SLC8A1: variants seen among roughly 807,000 people sequenced by gnomAD.
SLC8A1 encodes solute carrier family 8 member A1.
A neutral mutation model predicts 68.3 loss-of-function variants in SLC8A1; 18 were observed. The observed-to-expected ratio is 0.26, with a 90% CI of 0.18 to 0.39. The LOEUF is 0.39. Ranked by LOEUF, SLC8A1 falls within the 10% of genes least tolerant of loss-of-function variation. The probability of loss-of-function intolerance (pLI) is 1.00; values close to 1 mark genes in which losing one functional copy is unlikely to be tolerated. For synonymous variants in SLC8A1, 475 were observed against 415.5 expected, an observed-to-expected ratio of 1.14 and a Z score of -1.74; for missense variants, 985 against 1,156.7, an observed-to-expected ratio of 0.85 and a Z score of 2.15.
chr2:40,269,048 C>T (rs559017805), intron 2 of SLC8A1, among the ~76,000 whole-genome samples: 12 of 152,156 alleles, frequency 7.9e-5, no homozygotes, highest in East Asian at 1.9e-4. Context: ...ATGAAAACCA[C>T]GAAGATGATG....
intron 2 of SLC8A1, among the ~76,000 whole-genome samples, chr2:40,427,179 C>G (rs1441062160): frequency 1.3e-5 from 2 of 152,042 alleles, no homozygotes; most frequent in Non-Finnish European, 1.5e-5. Context: ...CTCGACACTA[C>G]TTATCACTAT....
At chr2:40,249,802 T>C (rs2062456826) in intron 2 of SLC8A1, among the ~76,000 whole-genome samples, 1 of 152,220 alleles carries the variant, frequency 6.6e-6, no homozygotes, top group Non-Finnish European at 1.5e-5. Flanking sequence ...GTCTCTACTC[T>C]GTATTATCTG....
chr2:40,131,279 C>T (rs1209302649), intron 7 of SLC8A1, among the ~76,000 whole-genome samples: 2 of 152,244 alleles, frequency 1.3e-5, no homozygotes, highest in South Asian at 2.1e-4. Context: ...CTTTTATAAC[C>T]CCTCAGCACG....
At chr2:40,304,773 T>C (rs1282498145) in intron 2 of SLC8A1, among the ~76,000 whole-genome samples, 1 of 152,164 alleles carries the variant, frequency 6.6e-6, no homozygotes, top group Non-Finnish European at 1.5e-5. Context: ...CAACTGGGGC[T>C]CTGAGATCCC....
intron 1 of SLC8A1, among the ~76,000 whole-genome samples, chr2:40,475,219 C>T (rs1427224371): frequency 3.9e-5 from 6 of 152,194 alleles, no homozygotes; most frequent in Admixed American, 1.3e-4. Context: ...CTGCAAGCTC[C>T]GTCTCCCGGG....
chr2:40,140,712 A>G (rs2041396574), intron 6 of SLC8A1, among the ~76,000 whole-genome samples: 1 of 152,224 alleles, frequency 6.6e-6, no homozygotes, highest in African/African-American at 2.4e-5. Flanking sequence ...GAATTCATGC[A>G]TCTTTGTGTC....
chr2:40,108,361 A>G (rs1227746191), exon 8 of SLC8A1: 1 of 152,204 alleles, frequency 6.6e-6, no homozygotes, highest in Non-Finnish European at 1.5e-5. Context: ...ACCTGCGAAT[A>G]TAAATTGTAC....
chr2:40,336,200 C>G (rs1275229777), intron 2 of SLC8A1, among the ~76,000 whole-genome samples: 1 of 152,206 alleles, frequency 6.6e-6, no homozygotes, highest in Non-Finnish European at 1.5e-5. Flanking sequence ...TTAAAGACAT[C>G]TGAGCATCAC....
At chr2:40,332,852 A>G (rs2076555375) in intron 2 of SLC8A1, among the ~76,000 whole-genome samples, 1 of 152,262 alleles carries the variant, frequency 6.6e-6, no homozygotes, top group Admixed American at 6.5e-5. Flanking sequence ...TATATTTTAA[A>G]TAAATCCTTT....
intron 2 of SLC8A1, among the ~76,000 whole-genome samples, chr2:40,293,228 T>C (rs568965982): frequency 6.6e-6 from 1 of 152,324 alleles, no homozygotes; most frequent in African/African-American, 2.4e-5. Context: ...TTTGTACTTT[T>C]GGTTCATCTA....
At chr2:40,218,618 A>C (rs1371046494) in intron 2 of SLC8A1, among the ~76,000 whole-genome samples, 1 of 151,830 alleles carries the variant, frequency 6.6e-6, no homozygotes, top group African/African-American at 2.4e-5. Flanking sequence ...AAGCAAAGGG[A>C]AAAAAAAGGA....
At chr2:40,431,568 T>G (rs1030465214) in intron 1 of SLC8A1, among the ~76,000 whole-genome samples, 2 of 151,540 alleles carry the variant, frequency 1.3e-5, no homozygotes, top group African/African-American at 4.9e-5. Flanking sequence ...GGGATGGAGG[T>G]GAGGGGAAAC....
chr2:40,448,353 AG>A (rs1414915221), intron 1 of SLC8A1, among the ~76,000 whole-genome samples: 2 of 152,222 alleles, frequency 1.3e-5, no homozygotes, highest in Non-Finnish European at 2.9e-5. Flanking sequence ...GCACTTAATG[AG>A]GCCCCATTGG....
chr2:40,127,613 AC>A (rs1480254427), intron 7 of SLC8A1, among the ~76,000 whole-genome samples: 4 of 152,040 alleles, frequency 2.6e-5, no homozygotes, highest in Non-Finnish European at 5.9e-5. Context: ...CTATCTGTGG[AC>A]CCCAGTGGGG....
chr2:40,491,498 C>G (rs1282103478), intron 1 of SLC8A1, among the ~76,000 whole-genome samples: 1 of 152,096 alleles, frequency 6.6e-6, no homozygotes, highest in Admixed American at 6.6e-5. Flanking sequence ...CCTAATTGCC[C>G]TGGCCAGAAC....
rs142885725 is a variant in SLC8A1, at chr2:40,294,090, G to A, written c.1809-116235C>T. 3.3e-4 allele frequency among the ~76,000 whole-genome samples: 50 copies of A among 152,260 alleles called. No individual in the cohort carries two copies. In the East Asian group the frequency reaches 7.1e-3, roughly 22 times the overall value. On this transcript the variant is annotated intron_variant, in intron 2 of 7. Transcript: ENST00000406785. Reference sequence around the variant, plus strand: ...CTGCTCATTCACCTCAAACTGCACTGAGATATCTTTATGCTCAAAATGGAC... The same window carrying A: ...CTGCTCATTCACCTCAAACTGCACTAAGATATCTTTATGCTCAAAATGGAC...
At chr2:40,396,860 C>CT (rs1054686819) in intron 2 of SLC8A1, among the ~76,000 whole-genome samples, 10 of 150,096 alleles carry the variant, frequency 6.7e-5, no homozygotes, top group African/African-American at 2.5e-4. Context: ...AATGACCTGA[C>CT]TTTTTGGGTT....
intron 2 of SLC8A1, among the ~76,000 whole-genome samples, chr2:40,332,482 G>C (rs955777177): frequency 6.6e-6 from 1 of 152,082 alleles, no homozygotes; most frequent in Non-Finnish European, 1.5e-5. Flanking sequence ...TATCCCGTGA[G>C]TTCATTTTAA....
At chr2:40,413,734 C>T (rs902745284) in intron 2 of SLC8A1, among the ~76,000 whole-genome samples, 1 of 152,144 alleles carries the variant, frequency 6.6e-6, no homozygotes, top group East Asian at 1.9e-4. Context: ...CAAAGGCATA[C>T]AGAAGTATAA....
Sources: gnomAD v4.1 joint callset for allele counts (sites outside exome capture counted in the v4.1 genomes callset) on GRCh38, gnomAD v4.1.1 for gene constraint, MANE v1.5 for transcripts, NCBI Gene and HGNC (gene_info 2026-07-23, HGNC 2026-07-21) for gene names.